Variants in EDAR observed in about 807,000 individuals in gnomAD.
EDAR encodes ectodysplasin A receptor, also known as tumor necrosis factor receptor superfamily member EDAR.
A neutral mutation model predicts 51.3 loss-of-function variants in EDAR; 38 were observed. That is an observed-to-expected ratio of 0.74 (90% CI 0.57 to 0.97). The LOEUF (loss-of-function observed/expected upper bound fraction) is 0.97, where lower values mean the gene tolerates loss of function less well. Ranked by LOEUF, EDAR falls within the 50% of genes least tolerant of loss-of-function variation. The probability of loss-of-function intolerance (pLI) is 0.00; values close to 1 mark genes in which losing one functional copy is unlikely to be tolerated. For synonymous variants in EDAR, 227 were observed against 242.1 expected (o/e 0.94, Z 0.58); for missense variants, 528 against 595.0 (o/e 0.89, Z 1.17).
intron 1 of EDAR, among the ~76,000 whole-genome samples, chr2:108,957,416 A>G (rs1003261791): frequency 6.6e-6 from 1 of 152,162 alleles, no homozygotes; most frequent in Non-Finnish European, 1.5e-5. Context: ...ATATCTAATC[A>G]CTGTTTTGGT....
intron 11 of EDAR, among the ~76,000 whole-genome samples, chr2:108,900,399 T>C (rs1448816918): frequency 6.6e-6 from 1 of 151,736 alleles, no homozygotes; most frequent in Non-Finnish European, 1.5e-5. Flanking sequence ...CTACTAAATA[T>C]ACAAAATTAG....
At chr2:108,971,939 T>C (rs578052648) in intron 1 of EDAR, among the ~76,000 whole-genome samples, 1 of 152,322 alleles carries the variant, frequency 6.6e-6, no homozygotes, top group South Asian at 2.1e-4. Context: ...CTCAGTCACA[T>C]AGGGGCAACA....
At chr2:108,946,582 C>A (rs1413202850) in intron 1 of EDAR, among the ~76,000 whole-genome samples, 3 of 152,224 alleles carry the variant, frequency 2.0e-5, no homozygotes, top group African/African-American at 7.2e-5. Context: ...GTTTAATTGA[C>A]TCACAGTTCC....
At chr2:108,909,697 A>G (rs1372008426) in intron 9 of EDAR, among the ~76,000 whole-genome samples, 1 of 152,232 alleles carries the variant, frequency 6.6e-6, no homozygotes, top group Non-Finnish European at 1.5e-5. Context: ...ACCAAGTCCA[A>G]ATGACCATCC....
intron 1 of EDAR, among the ~76,000 whole-genome samples, chr2:108,935,968 C>A (rs1482754053): frequency 6.6e-6 from 1 of 152,222 alleles, no homozygotes; most frequent in Non-Finnish European, 1.5e-5. Context: ...CTATACTTGT[C>A]ATCACGGCTG....
intron 1 of EDAR, among the ~76,000 whole-genome samples, chr2:108,971,368 A>G (rs1698227850): frequency 6.6e-6 from 1 of 152,130 alleles, no homozygotes. Context: ...CGAGACCTCC[A>G]GTATCAAAAT....
intron 1 of EDAR, among the ~76,000 whole-genome samples, chr2:108,959,452 T>C (rs527849434): frequency 6.6e-6 from 1 of 152,228 alleles, no homozygotes; most frequent in Non-Finnish European, 1.5e-5. Context: ...GTTCAGGTCC[T>C]CCTGGGTCTT....
intron 1 of EDAR, among the ~76,000 whole-genome samples, chr2:108,931,354 A>G (rs1697363639): frequency 6.6e-6 from 1 of 152,168 alleles, no homozygotes; most frequent in Non-Finnish European, 1.5e-5. Context: ...GCCTTACATG[A>G]GCTTTAAGTC....
rs371105904 is a variant in EDAR at position 108,984,139 on chromosome 2, T to C, written c.-19+4821A>G. Among the ~76,000 whole-genome samples the C allele has an allele frequency of 4.6e-5, 7 of 152,226 alleles. No homozygotes were observed. In the East Asian group the frequency reaches 9.6e-4, roughly 21 times the overall value. On this transcript the variant is annotated intron_variant, in intron 1 of 11. Coordinates refer to ENST00000258443, the MANE Select transcript of EDAR (RefSeq NM_022336.4). ...CAGAATGGATCCCTTTGGCATGTGTTAACGGCCAAGGGAGCAGGTGTTGGT... is the reference window on the plus strand; with the variant it reads ...CAGAATGGATCCCTTTGGCATGTGTCAACGGCCAAGGGAGCAGGTGTTGGT...
chr2:108,940,976 G>A (rs1697582788), intron 1 of EDAR, among the ~76,000 whole-genome samples: 1 of 152,170 alleles, frequency 6.6e-6, no homozygotes, highest in Non-Finnish European at 1.5e-5. Flanking sequence ...TTGATACAGA[G>A]CCCATCTCTT....
intron 1 of EDAR, among the ~76,000 whole-genome samples, chr2:108,962,089 C>G (rs1698057673): frequency 6.6e-6 from 1 of 152,194 alleles, no homozygotes; most frequent in East Asian, 1.9e-4. Flanking sequence ...AGGAAATCCA[C>G]AAAGATGTCC....
rs571160793 is a variant in EDAR at position 108,910,488 on chromosome 2, T to A, written c.775A>T (p.Thr259Ser). 9 of 1,613,918 alleles carry A rather than the reference T, an allele frequency of 5.6e-6. No individual in the cohort carries two copies. In the African/African-American group the frequency reaches 1.2e-4, roughly 22 times the overall value. Residue 259 changes from threonine to serine, a missense_variant, in exon 9 of 12, where the codon ACA becomes TCA. By Grantham distance (58) the Thr-to-Ser change is moderately conservative. Coordinates refer to ENST00000258443, the MANE Select transcript of EDAR (RefSeq NM_022336.4). ...FSEKDEFEKL[T>S]ATPAKPTKSE... Reference sequence around the variant, plus strand: ...TTGGTGGGCTTTGCTGGAGTTGCTGTCAGCTTCTCAAATTCATCCTTCTCG... The same window carrying A: ...TTGGTGGGCTTTGCTGGAGTTGCTGACAGCTTCTCAAATTCATCCTTCTCG...
At position 108,894,890 on chromosome 2, in the gene EDAR, G is replaced by A. The variant is rs1696551226; in HGVS notation, c.*2017C>T. 6.6e-6 allele frequency: 1 copy of A among 152,188 alleles called. No individual in the cohort carries two copies. The highest frequency in any genetic ancestry group is 2.1e-4 in the South Asian group (1 of 4,832). The allele number at this position is 152,188 out of a possible 1,614,324, so 9.4% of individuals were successfully genotyped here. ...TCTAATAGTGTGAAATGAGGCCAAAGCACCAGGAGCAGAGAACAGCCACCC... is the reference window on the plus strand; with the variant it reads ...TCTAATAGTGTGAAATGAGGCCAAAACACCAGGAGCAGAGAACAGCCACCC... On this transcript the variant is annotated 3_prime_UTR_variant, in exon 12 of 12. Transcript: ENST00000258443.
intron 1 of EDAR, among the ~76,000 whole-genome samples, chr2:108,939,755 TG>T (rs1697554273): frequency 6.6e-6 from 1 of 152,228 alleles, no homozygotes; most frequent in African/African-American, 2.4e-5. Flanking sequence ...GCTACTGTGC[TG>T]GGTCCTCCCT....
intron 1 of EDAR, among the ~76,000 whole-genome samples, chr2:108,987,820 C>T (rs1221382680): frequency 6.6e-6 from 1 of 152,240 alleles, no homozygotes; most frequent in African/African-American, 2.4e-5. Flanking sequence ...CAGAGTCACT[C>T]TCTTTTTGGT....
intron 1 of EDAR, among the ~76,000 whole-genome samples, chr2:108,978,061 C>G (rs17034725): frequency 0.025 from 3,865 of 152,280 alleles, 95 homozygotes; most frequent in African/African-American, 0.063. Flanking sequence ...TTCCTTCTCC[C>G]GACAAATGGC....
intron 11 of EDAR, among the ~76,000 whole-genome samples, chr2:108,904,593 A>G (rs1432710283): frequency 6.6e-6 from 1 of 152,224 alleles, no homozygotes; most frequent in African/African-American, 2.4e-5. Flanking sequence ...TGGTTAAACC[A>G]ACTCTGGTCC....
chr2:108,931,113 G>T, intron 1 of EDAR, 81 bp from the exon 2 acceptor site: 3 of 1,118,400 alleles, frequency 2.7e-6, no homozygotes, highest in Non-Finnish European at 4.1e-6. Flanking sequence ...AACCCCACTG[G>T]ATATAAGGTG....
chr2:108,961,262 C>G (rs577407884), intron 1 of EDAR, among the ~76,000 whole-genome samples: 1 of 151,962 alleles, frequency 6.6e-6, no homozygotes, highest in East Asian at 1.9e-4. Context: ...GGAACAGTTG[C>G]CAGTCCTTTC....
Sources: allele counts gnomAD v4.1 joint callset (sites outside exome capture counted in the v4.1 genomes callset), GRCh38; gene constraint gnomAD v4.1.1; transcripts MANE v1.5; gene names NCBI Gene and HGNC (gene_info 2026-07-23, HGNC 2026-07-21).